VCPIP1: variants seen among roughly 807,000 people sequenced by gnomAD.
The protein encoded by VCPIP1 is valosin containing protein interacting protein 1.
VCPIP1 carries 8 observed loss-of-function variants against 85.0 expected under a neutral mutation model. The ratio of observed to expected loss-of-function variants is 0.09; its 90% CI spans 0.06 to 0.17. VCPIP1 has a LOEUF of 0.17. Among genes scored for constraint, VCPIP1 ranks in the 10% least tolerant of loss-of-function variants. The pLI is 1.00. For missense variants in VCPIP1, 1,070 were observed against 1,486.3 expected, an observed-to-expected ratio of 0.72 and a Z score of 4.61; for synonymous variants, 543 against 544.5, an observed-to-expected ratio of 1.00 and a Z score of 0.04.
intron 1 of VCPIP1, among the ~76,000 whole-genome samples, chr8:66,658,198 G>A (rs1405401633): frequency 6.6e-6 from 1 of 151,988 alleles, no homozygotes; most frequent in Non-Finnish European, 1.5e-5. Flanking sequence ...GCCAGGTGTT[G>A]TGGCAGGCGC....
chr8:66,651,714 G>C (rs1811055624), intron 1 of VCPIP1, among the ~76,000 whole-genome samples, 170 bp from the exon 2 acceptor site: 1 of 152,158 alleles, frequency 6.6e-6, no homozygotes, highest in Non-Finnish European at 1.5e-5. Flanking sequence ...TGGCATACTA[G>C]AAAATGCATG....
At chr8:66,643,154 G>C (rs1586623690) in intron 2 of VCPIP1, among the ~76,000 whole-genome samples, 1 of 150,770 alleles carries the variant, frequency 6.6e-6, no homozygotes, top group Admixed American at 6.6e-5. Context: ...GAAACCCCAT[G>C]TCTACTAAAA....
In VCPIP1 at chr8:66,665,623, T is replaced by C. The variant is rs776293855; in HGVS notation, c.1336A>G (p.Ile446Val). The C allele has an allele frequency of 1.2e-6, 2 of 1,614,200 alleles. No individual in the cohort carries two copies. The highest frequency in any genetic ancestry group is 2.2e-5 in the South Asian group (2 of 91,088). Residue 446 changes from isoleucine (I) to valine (V), a missense_variant, in exon 1 of 3, where the codon ATA (isoleucine) becomes GTA (valine). Transcript: ENST00000310421. This position sits in a 1 kb window ranked among gnomAD's most constrained non-coding sequence, Gnocchi z 4.3. ...GTGACTTCCTCAGGCTGAACTCCTA[T>C]CACTCCAGTCCTTCTGTAGAAATAC... ...HQYFYRRTGV[I>V]GVQPEEVTAA...
intron 2 of VCPIP1, among the ~76,000 whole-genome samples, chr8:66,635,587 T>A (rs1017866240): frequency 9.9e-5 from 15 of 152,128 alleles, no homozygotes; most frequent in African/African-American, 3.6e-4. Flanking sequence ...TTAAAAAAAT[T>A]TTTTTGCTAT....
intron 2 of VCPIP1, among the ~76,000 whole-genome samples, chr8:66,638,970 C>CTCTATATATATATATATATATA: frequency 2.5e-5 from 3 of 118,426 alleles, no homozygotes; most frequent in African/African-American, 1.2e-4. Flanking sequence ...CTCTCTCTCT[C>CTCTATATATATATATATATATA]TATATATATA....
rs920273171 is a variant in VCPIP1, at chr8:66,665,315, C to T, written c.1644G>A (p.Lys548=). 2 of 1,613,962 alleles carry T rather than the reference C, an allele frequency of 1.2e-6. No homozygotes were observed. Among genetic ancestry groups the T allele is most frequent in the Admixed American group, 1.7e-5 (1 of 59,990 alleles). ...ACACAATAGACCCATCTCCTCTGAC[C>T]TTTCGCACAGATGTGCCATGGCACC... ...CNWCHGTSVR[K]VRGDGSIVYL... The change falls in exon 1 of 3, where the codon AAG becomes AAA. Residue 548 remains lysine (K), a synonymous_variant. Transcript: ENST00000310421. This position sits in a 1 kb window ranked among gnomAD's most constrained non-coding sequence, Gnocchi z 4.3.
At chr8:66,651,129 G>A (rs1049679457) in intron 2 of VCPIP1, among the ~76,000 whole-genome samples, 3 of 147,530 alleles carry the variant, frequency 2.0e-5, no homozygotes, top group African/African-American at 7.5e-5. Context: ...AGGTTGCAGT[G>A]AGCCGAGATC....
At chr8:66,656,506 T>C (rs1169327451) in intron 1 of VCPIP1, among the ~76,000 whole-genome samples, 2 of 152,236 alleles carry the variant, frequency 1.3e-5, no homozygotes, top group African/African-American at 2.4e-5. Flanking sequence ...TAACTTTAAA[T>C]ATTTAAAAAG....
At position 66,665,257 on chromosome 8, in the gene VCPIP1, T is replaced by C. The variant is rs1160992148; in HGVS notation, c.1702A>G (p.Thr568Ala). ...LDGDRTNSRS[T>A]GGKCGCGFKH... Reference sequence around the variant, plus strand: ...AATCCACAACCACATTTGCCACCAGTGGACCTAGAATTAGTTCTGTCTCCA... The same window carrying C: ...AATCCACAACCACATTTGCCACCAGCGGACCTAGAATTAGTTCTGTCTCCA... Residue 568 changes from threonine (T) to alanine (A), a missense_variant, in exon 1 of 3, where the codon ACT becomes GCT. Physicochemically the swap from Thr to Ala is moderately conservative, Grantham distance 58 (BLOSUM62 0). This residue lies in a region of VCPIP1 where 123 missense variants were observed against 156.3 expected (regional missense o/e 0.79). Coordinates refer to ENST00000310421, the MANE Select transcript of VCPIP1 (RefSeq NM_025054.5). This position sits in a 1 kb window ranked among gnomAD's most constrained non-coding sequence, Gnocchi z 4.3. 1.9e-6 allele frequency: 3 copies of C among 1,614,086 alleles called. No individual in the cohort carries two copies. Among genetic ancestry groups the C allele is most frequent in the Admixed American group, 3.3e-5 (2 of 59,992 alleles).
chr8:66,655,882 T>C (rs1276800566), intron 1 of VCPIP1, among the ~76,000 whole-genome samples: 1 of 152,108 alleles, frequency 6.6e-6, no homozygotes, highest in Non-Finnish European at 1.5e-5. Context: ...CAATGTACTG[T>C]GTATATATAA....
chr8:66,667,168 G>T lies in VCPIP1; in HGVS notation c.-210C>A, dbSNP rs188316030. 2 of 1,124,884 alleles carry T rather than the reference G, an allele frequency of 1.8e-6. No homozygotes were observed. Among genetic ancestry groups the T allele is most frequent in the East Asian group, 2.7e-5 (1 of 36,818 alleles). The allele number at this position is 1,124,884 out of a possible 1,614,324, so 69.7% of individuals were successfully genotyped here. On this transcript the variant is annotated 5_prime_UTR_variant, in exon 1 of 3. Transcript: ENST00000310421. ...CACTGCCGTAGCCGTTGCCCCGAACGTAACGGCCACCACCCCACCCCGCAC... is the reference window on the plus strand; with the variant it reads ...CACTGCCGTAGCCGTTGCCCCGAACTTAACGGCCACCACCCCACCCCGCAC...
chr8:66,654,045 A>C (rs1811076984), intron 1 of VCPIP1, among the ~76,000 whole-genome samples: 1 of 152,202 alleles, frequency 6.6e-6, no homozygotes, highest in South Asian at 2.1e-4. Context: ...ATCACAACTA[A>C]GCTCTACAGA....
In VCPIP1 at chr8:66,651,457, C is replaced by A; in HGVS notation, c.2797+1G>T. Reference sequence around the variant, plus strand: ...TAAGAATAAAATCAAATTAACTATACCCATGGTTTTCTTCATAATACTGTA... The same window carrying A: ...TAAGAATAAAATCAAATTAACTATAACCATGGTTTTCTTCATAATACTGTA... On this transcript the variant is annotated splice_donor_variant, in intron 2 of 2. Coordinates refer to ENST00000310421, the MANE Select transcript of VCPIP1 (RefSeq NM_025054.5). LOFTEE classifies it high-confidence loss of function. The A allele has an allele frequency of 6.2e-7, 1 of 1,601,864 alleles. No homozygotes were observed. Among genetic ancestry groups the A allele is most frequent in the Non-Finnish European group, 8.5e-7 (1 of 1,174,140 alleles).
At chr8:66,643,909 A>G (rs1810971244) in intron 2 of VCPIP1, among the ~76,000 whole-genome samples, 1 of 149,844 alleles carries the variant, frequency 6.7e-6, no homozygotes, top group Admixed American at 6.6e-5. Flanking sequence ...AAAAAGAGGC[A>G]CAAGTTGCCA....
chr8:66,656,510 TAAAAAGGC>T (rs1362576291), intron 1 of VCPIP1, among the ~76,000 whole-genome samples: 1 of 152,218 alleles, frequency 6.6e-6, no homozygotes, highest in African/African-American at 2.4e-5. Context: ...TTTAAATATT[TAAAAAGGC>T]AATTTGAATT....
intron 2 of VCPIP1, among the ~76,000 whole-genome samples, chr8:66,649,019 C>T (rs1417942331): frequency 6.6e-6 from 1 of 152,028 alleles, no homozygotes; most frequent in African/African-American, 2.4e-5. Context: ...AAAAATTAGT[C>T]GGGCATGGTG....
intron 2 of VCPIP1, among the ~76,000 whole-genome samples, chr8:66,641,647 T>G (rs1235896489): frequency 1.3e-5 from 2 of 152,204 alleles, no homozygotes; most frequent in African/African-American, 4.8e-5. Context: ...AGCCACAGAT[T>G]CACTCTCTGT....
intron 1 of VCPIP1, among the ~76,000 whole-genome samples, chr8:66,658,869 CG>C (rs1811126323): frequency 6.6e-6 from 1 of 151,972 alleles, no homozygotes; most frequent in Non-Finnish European, 1.5e-5. Flanking sequence ...TATATATATA[CG>C]TTAAAAAGCC....
At position 66,664,384 on chromosome 8, in the gene VCPIP1, G is replaced by T; in HGVS notation, c.2575C>A (p.Gln859Lys). The change falls in exon 1 of 3, where the codon CAG becomes AAG. Residue 859 changes from glutamine (Q) to lysine (K), a missense_variant. Physicochemically the swap from Gln to Lys is moderately conservative, Grantham distance 53. This residue lies in a region of VCPIP1 where 278 missense variants were observed against 298.5 expected (regional missense o/e 0.93). Coordinates refer to ENST00000310421, the MANE Select transcript of VCPIP1 (RefSeq NM_025054.5). Reference sequence around the variant, plus strand: ...TGGGCTGAGTGTGCTGCAGCAGACTGACCACCTTCAGCTTTACTTTTTAGA... The same window carrying T: ...TGGGCTGAGTGTGCTGCAGCAGACTTACCACCTTCAGCTTTACTTTTTAGA... ...EILKSKAEGG[Q>K]SAAAHSAHTV... The T allele has an allele frequency of 1.2e-6, 2 of 1,613,720 alleles. No individual in the cohort carries two copies. Among genetic ancestry groups the T allele is most frequent in the South Asian group, 1.1e-5 (1 of 91,034 alleles).
Sources: allele counts gnomAD v4.1 joint callset (sites outside exome capture counted in the v4.1 genomes callset), GRCh38; gene constraint gnomAD v4.1.1; regional missense constraint gnomAD v4.1.1; non-coding constraint Gnocchi (gnomAD v3.1); transcripts MANE v1.5; gene names NCBI Gene and HGNC (gene_info 2026-07-23, HGNC 2026-07-21).